The following KLHL28 variants were observed in gnomAD, a reference collection of about 807,000 sequenced individuals.
KLHL28 encodes the protein kelch-like protein 28.
KLHL28 carries 22 observed loss-of-function variants against 48.3 expected under a neutral mutation model. The ratio of observed to expected loss-of-function variants is 0.46; its 90% CI spans 0.33 to 0.65. The LOEUF (loss-of-function observed/expected upper bound fraction) is 0.65. KLHL28 is among the 30% of genes least tolerant of loss of function. KLHL28 has a pLI of 0.03. For synonymous variants in KLHL28, 243 were observed against 242.4 expected (o/e 1.00, Z -0.02); for missense variants, 527 against 704.3 (o/e 0.75, Z 2.85).
intron 1 of KLHL28, among the ~76,000 whole-genome samples, chr14:44,953,363 G>T (rs1884667712): frequency 6.6e-6 from 1 of 152,172 alleles, no homozygotes; most frequent in Non-Finnish European, 1.5e-5. Flanking sequence ...TAAAATACGG[G>T]TAAAAACTTA....
At chr14:44,932,664 T>G (rs190328474) in intron 3 of KLHL28, among the ~76,000 whole-genome samples, 95 of 152,262 alleles carry the variant, frequency 6.2e-4, no homozygotes, top group Non-Finnish European at 1.2e-3. Context: ...CTGAAAGAAC[T>G]CCAGGATAGA....
chr14:44,930,412 G>C (rs1255026747), intron 4 of KLHL28, among the ~76,000 whole-genome samples: 1 of 152,070 alleles, frequency 6.6e-6, no homozygotes, highest in Non-Finnish European at 1.5e-5. Context: ...CTACAGGCAT[G>C]TGCCACCGCA....
intron 2 of KLHL28, among the ~76,000 whole-genome samples, chr14:44,942,408 AC>A (rs1341375140): frequency 7.2e-5 from 11 of 152,228 alleles, no homozygotes; most frequent in African/African-American, 4.8e-5. Context: ...TTCTACAATA[AC>A]ATCTTATTTA....
intron 1 of KLHL28, among the ~76,000 whole-genome samples, chr14:44,955,063 T>C (rs528824017): frequency 3.3e-5 from 5 of 152,260 alleles, no homozygotes; most frequent in South Asian, 2.1e-4. Context: ...AGTAATGATA[T>C]GATATTCTAT....
chr14:44,952,475 C>T lies in KLHL28; in HGVS notation c.1-6547G>A, dbSNP rs140714035. On this transcript the variant is annotated intron_variant, in intron 1 of 4. Transcript: ENST00000396128. Reference sequence around the variant, plus strand: ...AGAACCAGTTAAAATATTTATAGCTCAAGTTTAGCAGCTTAAAAATTACTG... The same window carrying T: ...AGAACCAGTTAAAATATTTATAGCTTAAGTTTAGCAGCTTAAAAATTACTG... Among the ~76,000 whole-genome samples the T allele has an allele frequency of 1.6e-3, 248 of 152,172 alleles. 1 individual carries two copies. In the East Asian group the frequency reaches 0.021, roughly 13 times the overall value.
chr14:44,936,343 A>C (rs1883823346), intron 2 of KLHL28, among the ~76,000 whole-genome samples: 1 of 152,130 alleles, frequency 6.6e-6, no homozygotes, highest in East Asian at 1.9e-4. Context: ...GAAGATGATG[A>C]TATAGGAGAG....
At chr14:44,938,648 G>A (rs1415733510) in intron 2 of KLHL28, among the ~76,000 whole-genome samples, 1 of 152,176 alleles carries the variant, frequency 6.6e-6, no homozygotes, top group East Asian at 1.9e-4. Flanking sequence ...GAGATTACAA[G>A]CGTGAGCCAC....
chr14:44,929,101 G>A lies in KLHL28; in HGVS notation c.1643C>T (p.Pro548Leu). 6.2e-7 allele frequency: 1 copy of A among 1,613,796 alleles called. No homozygotes were observed. Among genetic ancestry groups the A allele is most frequent in the Non-Finnish European group, 8.5e-7 (1 of 1,179,862 alleles). The change falls in exon 5 of 5, where the codon CCT (proline) becomes CTT (leucine). Residue 548 changes from proline to leucine, a missense_variant. Pro to Leu is a moderately conservative substitution (Grantham distance 98). Transcript: ENST00000396128. The part of the protein sequence containing the change: ...SYLNTVQKYD[P>L]ISDTWLDSAG... ...TGAATCCAGCCACGTATCTGAGATA[G>A]GATCATATTTCTGCACTGTATTCAG...
chr14:44,953,977 T>C (rs905800728), intron 1 of KLHL28, among the ~76,000 whole-genome samples: 7 of 152,204 alleles, frequency 4.6e-5, no homozygotes, highest in Non-Finnish European at 1.0e-4. Flanking sequence ...ATAAAATATT[T>C]CTAAAATTTT....
In KLHL28 at chr14:44,935,311, G is replaced by T. The variant is rs547042556; in HGVS notation, c.900-753C>A. Among the ~76,000 whole-genome samples the T allele has an allele frequency of 9.2e-5, 14 of 152,302 alleles. No homozygotes were observed. In the South Asian group the frequency reaches 2.9e-3, roughly 32 times the overall value. On this transcript the variant is annotated intron_variant, in intron 2 of 4. Transcript: ENST00000396128. ...CACTTTTGGGGAGGACAAGAAGGGA[G>T]CTCAAGGGTGGCTTTTGAGTGTTGG...
In KLHL28 at chr14:44,929,145, A is replaced by G. The variant is rs1834765651; in HGVS notation, c.1599T>C (p.Gly533=). The part of the protein sequence containing the change: ...VIDNYLYVVG[G]HSGSSYLNTV... ...TATTCAGATAGGAAGACCCTGAGTGACCACCGACGACATAAAGGTAGTTAT... is the reference window on the plus strand; with the variant it reads ...TATTCAGATAGGAAGACCCTGAGTGGCCACCGACGACATAAAGGTAGTTAT... The change falls in exon 5 of 5, where the codon GGT becomes GGC. Residue 533 remains glycine, a synonymous_variant. Coordinates refer to ENST00000396128, the MANE Select transcript of KLHL28 (RefSeq NM_017658.5). 2 of 1,613,378 alleles carry G rather than the reference A, an allele frequency of 1.2e-6. No homozygotes were observed. The highest frequency in any genetic ancestry group is 1.7e-6 in the Non-Finnish European group (2 of 1,179,550).
At chr14:44,947,684 C>T (rs1053271596) in intron 1 of KLHL28, among the ~76,000 whole-genome samples, 1 of 152,132 alleles carries the variant, frequency 6.6e-6, no homozygotes, top group African/African-American at 2.4e-5. Flanking sequence ...CATTCTTATA[C>T]ATTTTTAAGT....
chr14:44,938,268 G>T (rs1883908916), intron 2 of KLHL28, among the ~76,000 whole-genome samples: 1 of 152,072 alleles, frequency 6.6e-6, no homozygotes. Flanking sequence ...AAACACAATG[G>T]TGAGAAAGGC....
chr14:44,951,920 T>C (rs544495884), intron 1 of KLHL28, among the ~76,000 whole-genome samples: 49 of 152,196 alleles, frequency 3.2e-4, no homozygotes, highest in African/African-American at 1.1e-3. Context: ...GGTGGCGAGA[T>C]CTTAGCTTAC....
intron 1 of KLHL28, among the ~76,000 whole-genome samples, chr14:44,957,932 T>C (rs1346108226): frequency 1.3e-5 from 2 of 151,990 alleles, no homozygotes; most frequent in Non-Finnish European, 2.9e-5. Context: ...CTTTATAAAA[T>C]AAATACACAT....
chr14:44,928,753 C>T lies in KLHL28; in HGVS notation c.*275G>A, dbSNP rs1883462491. On this transcript the variant is annotated 3_prime_UTR_variant, in exon 5 of 5. Coordinates refer to ENST00000396128, the MANE Select transcript of KLHL28 (RefSeq NM_017658.5). Reference sequence around the variant, plus strand: ...TACACTTATGAACATAAAACTAGTACATCTCAGTCTTGGGGGAAAAAGTGC... The same window carrying T: ...TACACTTATGAACATAAAACTAGTATATCTCAGTCTTGGGGGAAAAAGTGC... 1 of 208,724 alleles carries T rather than the reference C, an allele frequency of 4.8e-6. No individual in the cohort carries two copies. Among genetic ancestry groups the T allele is most frequent in the South Asian group, 9.8e-5 (1 of 10,256 alleles). The allele number at this position is 208,724 out of a possible 1,614,324, so 12.9% of individuals were successfully genotyped here.
chr14:44,930,147 CAAATT>C (rs1263547054), intron 4 of KLHL28, among the ~76,000 whole-genome samples: 2 of 152,116 alleles, frequency 1.3e-5, no homozygotes, highest in African/African-American at 2.4e-5. Context: ...ACAAAAGAAA[CAAATT>C]ATAGTAAACA....
At chr14:44,940,093 C>T (rs1349735333) in intron 2 of KLHL28, among the ~76,000 whole-genome samples, 1 of 152,180 alleles carries the variant, frequency 6.6e-6, no homozygotes, top group African/African-American at 2.4e-5. Context: ...GAAGACATCA[C>T]ATGAAGTGCA....
intron 1 of KLHL28, among the ~76,000 whole-genome samples, chr14:44,951,704 AC>A: frequency 6.6e-6 from 1 of 152,242 alleles, no homozygotes. Flanking sequence ...CCTTGTAAGA[AC>A]TACTGAGAAT....
Sources: gnomAD v4.1 joint callset for allele counts (sites outside exome capture counted in the v4.1 genomes callset) on GRCh38, gnomAD v4.1.1 for gene constraint, MANE v1.5 for transcripts, NCBI Gene and HGNC (gene_info 2026-07-23, HGNC 2026-07-21) for gene names.